The following CDH19 variants were observed in gnomAD, a reference collection of about 807,000 sequenced individuals.
The protein encoded by CDH19 is cadherin-19.
CDH19 carries 67 observed loss-of-function variants against 64.2 expected under a neutral mutation model. The ratio of observed to expected loss-of-function variants is 1.04; its 90% CI spans 0.86 to 1.28. CDH19 has a LOEUF of 1.28. CDH19 is among the 50% of genes most tolerant of loss of function. The pLI is 0.00. For synonymous variants in CDH19, 346 were observed against 319.3 expected (o/e 1.08, Z -0.89); for missense variants, 1,030 against 929.0 (o/e 1.11, Z -1.41).
At chr18:66,543,908 T>C in intron 7 of CDH19, 63 bp downstream of exon 7, 3 of 1,220,136 alleles carry the variant, frequency 2.5e-6, no homozygotes, top group Non-Finnish European at 3.4e-6. Flanking sequence ...TGCATGCAAT[T>C]TTATTTTTAA....
intron 1 of CDH19, among the ~76,000 whole-genome samples, chr18:66,577,345 CTACAG>C (rs1246791030): frequency 4.0e-5 from 6 of 151,782 alleles, no homozygotes; most frequent in Non-Finnish European, 8.8e-5. Context: ...ACACATAATG[CTACAG>C]TAATCATTAT....
chr18:66,526,538 T>C (rs908531396), intron 9 of CDH19, among the ~76,000 whole-genome samples: 3 of 152,120 alleles, frequency 2.0e-5, no homozygotes, highest in African/African-American at 7.2e-5. Context: ...AATATTAACT[T>C]ATTTCAAATT....
intron 3 of CDH19, among the ~76,000 whole-genome samples, chr18:66,561,477 C>G (rs1156437983): frequency 6.6e-6 from 1 of 152,074 alleles, no homozygotes; most frequent in African/African-American, 2.4e-5. Context: ...CTGCAATACA[C>G]CATCCAGTAA....
At chr18:66,515,480 T>G (rs959316090) in intron 9 of CDH19, among the ~76,000 whole-genome samples, 2 of 151,798 alleles carry the variant, frequency 1.3e-5, no homozygotes, top group African/African-American at 4.8e-5. Context: ...AGTATGCTTG[T>G]TGTCTTTCTT....
At chr18:66,577,374 A>C in intron 1 of CDH19, among the ~76,000 whole-genome samples, 1 of 151,924 alleles carries the variant, frequency 6.6e-6, no homozygotes, top group East Asian at 1.9e-4. Context: ...AAAGTATTGG[A>C]TCAACAAATA....
intron 1 of CDH19, among the ~76,000 whole-genome samples, chr18:66,602,957 A>G (rs1336078800): frequency 1.3e-5 from 2 of 151,458 alleles, no homozygotes; most frequent in African/African-American, 4.8e-5. Context: ...GAATATATTA[A>G]TGCATATAAT....
chr18:66,599,004 A>C (rs1304858371), intron 1 of CDH19, among the ~76,000 whole-genome samples: 1 of 152,170 alleles, frequency 6.6e-6, no homozygotes, highest in African/African-American at 2.4e-5. Context: ...CAAATTGTAT[A>C]ATATAAAATT....
At chr18:66,538,059 T>C (rs531919) in intron 7 of CDH19, among the ~76,000 whole-genome samples, 6,312 of 152,184 alleles carry the variant, frequency 0.041, 425 homozygotes, top group African/African-American at 0.14. Flanking sequence ...TATTTACTTA[T>C]GTGTTCAATC....
At chr18:66,526,378 C>T (rs1986221666) in intron 9 of CDH19, among the ~76,000 whole-genome samples, 1 of 152,054 alleles carries the variant, frequency 6.6e-6, no homozygotes, top group African/African-American at 2.4e-5. Context: ...AGATATTTCT[C>T]TCCTCAGTAG....
chr18:66,542,773 T>C (rs941790168), intron 7 of CDH19, among the ~76,000 whole-genome samples: 8 of 151,998 alleles, frequency 5.3e-5, no homozygotes, highest in African/African-American at 4.8e-5. Context: ...CATTAGATTG[T>C]CATAGGAGCA....
chr18:66,504,913 C>T lies in CDH19; in HGVS notation c.2218G>A (p.Val740Ile), dbSNP rs763787428. The change falls in exon 12 of 12, where the codon GTC becomes ATC. Residue 740 changes from valine (V) to isoleucine (I), a missense_variant. Physicochemically the swap from Val to Ile is conservative, Grantham distance 29. Transcript: ENST00000262150. ...AGSLSSLESA[V>I]SDQDESYDYL... Reference sequence around the variant, plus strand: ...TCATAGCTTTCATCCTGATCAGAGACTGCTGATTCTAAGGAGCTCAGGGAT... The same window carrying T: ...TCATAGCTTTCATCCTGATCAGAGATTGCTGATTCTAAGGAGCTCAGGGAT... 1.9e-6 allele frequency: 3 copies of T among 1,613,456 alleles called. No individual in the cohort carries two copies. The highest frequency in any genetic ancestry group is 2.2e-5 in the East Asian group (1 of 44,848).
At chr18:66,543,077 G>A (rs1014835966) in intron 7 of CDH19, among the ~76,000 whole-genome samples, 1 of 152,178 alleles carries the variant, frequency 6.6e-6, no homozygotes, top group African/African-American at 2.4e-5. Context: ...CCAGGCCGGA[G>A]TGCAGTGGTG....
rs146763453 is a variant in CDH19 at position 66,594,071 on chromosome 18, T to A, written c.-113+9883A>T. Among the ~76,000 whole-genome samples the A allele has an allele frequency of 8.0e-3, 1,213 of 152,200 alleles. 18 individuals carry two copies. Among genetic ancestry groups the A allele is most frequent in the African/African-American group, 0.022 (900 of 41,548 alleles). ...CACCCACAGGCTCAAAGTAGAGGAA[T>A]GGAGAAAGATCTATGAAGCAAACAG... On this transcript the variant is annotated intron_variant, in intron 1 of 11. Transcript: ENST00000262150.
At position 66,504,045 on chromosome 18, in the gene CDH19, T is replaced by C. The variant is rs1244024979; in HGVS notation, c.*767A>G. The C allele has an allele frequency of 6.6e-6, 1 of 151,982 alleles. No homozygotes were observed. The highest frequency in any genetic ancestry group is 6.6e-5 in the Admixed American group (1 of 15,230). The allele number at this position is 151,982 out of a possible 1,614,324, so 9.4% of individuals were successfully genotyped here. On this transcript the variant is annotated 3_prime_UTR_variant, in exon 12 of 12. Coordinates refer to ENST00000262150, the MANE Select transcript of CDH19 (RefSeq NM_021153.4). ...GAGTAAATAAAATAACACTAAGATATCTTAATTCAGTGCCTTTCTCACATT... is the reference window on the plus strand; with the variant it reads ...GAGTAAATAAAATAACACTAAGATACCTTAATTCAGTGCCTTTCTCACATT...
At chr18:66,582,272 G>C (rs1463003294) in intron 1 of CDH19, among the ~76,000 whole-genome samples, 1 of 152,016 alleles carries the variant, frequency 6.6e-6, no homozygotes, top group Non-Finnish European at 1.5e-5. Context: ...GGATTTGATG[G>C]CTGTGTGGGG....
At chr18:66,528,433 C>T (rs952606928) in intron 9 of CDH19, among the ~76,000 whole-genome samples, 1 of 152,018 alleles carries the variant, frequency 6.6e-6, no homozygotes, top group African/African-American at 2.4e-5. Context: ...CAATAGAGAG[C>T]CTCTGAAATT....
chr18:66,537,181 A>G (rs1369777805), intron 7 of CDH19, among the ~76,000 whole-genome samples: 2 of 151,846 alleles, frequency 1.3e-5, no homozygotes, highest in East Asian at 3.9e-4. Flanking sequence ...TTCCACTCAT[A>G]TTCTTCTTTT....
At chr18:66,589,833 T>C (rs567205906) in intron 1 of CDH19, among the ~76,000 whole-genome samples, 3 of 152,016 alleles carry the variant, frequency 2.0e-5, no homozygotes, top group African/African-American at 7.2e-5. Flanking sequence ...AATATAATTA[T>C]ATCACAGAAC....
intron 9 of CDH19, among the ~76,000 whole-genome samples, chr18:66,512,091 A>G (rs984375221): frequency 6.6e-6 from 1 of 151,560 alleles, no homozygotes; most frequent in African/African-American, 2.4e-5. Flanking sequence ...GTTTTTACTG[A>G]GAGCAAAACT....
Sources: gnomAD v4.1 joint callset for allele counts (sites outside exome capture counted in the v4.1 genomes callset) on GRCh38, gnomAD v4.1.1 for gene constraint, MANE v1.5 for transcripts, NCBI Gene and HGNC (gene_info 2026-07-23, HGNC 2026-07-21) for gene names.